MAP2K5: variants seen among roughly 807,000 people sequenced by gnomAD.
MAP2K5 encodes mitogen-activated protein kinase kinase 5.
In MAP2K5, 49 loss-of-function variants were observed where a neutral mutation model predicts 83.1. The ratio of observed to expected loss-of-function variants is 0.59; its 90% confidence interval spans 0.47 to 0.75. MAP2K5 has a LOEUF of 0.75. Among genes scored for constraint, MAP2K5 ranks in the 30% least tolerant of loss-of-function variants. MAP2K5 has a pLI of 0.00. For missense variants in MAP2K5, 457 were observed against 557.5 expected (o/e 0.82, Z 1.82); for synonymous variants, 202 against 191.8 (o/e 1.05, Z -0.44).
chr15:67,675,169 C>T (rs1160671456), intron 13 of MAP2K5, among the ~76,000 whole-genome samples: 2 of 152,212 alleles, frequency 1.3e-5, no homozygotes, highest in East Asian at 3.8e-4. Context: ...CAGCTCTATT[C>T]ATCATAGCCA....
At chr15:67,728,675 T>G (rs757092462) in intron 17 of MAP2K5, among the ~76,000 whole-genome samples, 1 of 152,236 alleles carries the variant, frequency 6.6e-6, no homozygotes, top group Admixed American at 6.5e-5. Context: ...CATCTTGGTC[T>G]GTACAGGCCA....
Position 67,578,261 on chromosome 15 carries a change from A to G in MAP2K5, c.253-2493A>G, listed in dbSNP as rs565230187. ...AGCAGCATGGACCTGGTGGCCGGTCAGGACTGCTCTGTGCTAAGAGGTACC... is the reference window on the plus strand; with the variant it reads ...AGCAGCATGGACCTGGTGGCCGGTCGGGACTGCTCTGTGCTAAGAGGTACC... On this transcript the variant is annotated intron_variant, in intron 3 of 21. Transcript: ENST00000178640. Among the ~76,000 whole-genome samples the G allele has an allele frequency of 1.3e-3, 199 of 152,336 alleles. 2 individuals are homozygous for G. The South Asian group carries it at 0.015, about 11-fold the overall frequency.
At chr15:67,625,449 C>T (rs183851441) in intron 8 of MAP2K5, among the ~76,000 whole-genome samples, 2 of 152,290 alleles carry the variant, frequency 1.3e-5, no homozygotes, top group African/African-American at 4.8e-5. Context: ...ACTGTGGCAA[C>T]AACAAACTAA....
intron 21 of MAP2K5, among the ~76,000 whole-genome samples, chr15:67,772,961 G>T (rs2090169812): frequency 6.6e-6 from 1 of 152,140 alleles, no homozygotes; most frequent in Non-Finnish European, 1.5e-5. Flanking sequence ...GAAAGTTAAT[G>T]CAGAGCTCTT....
chr15:67,729,620 A>T (rs1282510061), intron 17 of MAP2K5, among the ~76,000 whole-genome samples: 1 of 151,964 alleles, frequency 6.6e-6, no homozygotes, highest in South Asian at 2.1e-4. Context: ...AATACAAAAA[A>T]AAAAAATTAG....
Position 67,577,173 on chromosome 15 carries a change from G to A in MAP2K5, c.253-3581G>A, listed in dbSNP as rs1247068793. ...GATGGTCTCGATCTCCTGACCTCAT[G>A]ATCCACCCGCCTCGGCCTCCCAAAG... is the stretch of plus-strand genomic sequence containing the variant. On this transcript the variant is annotated intron_variant, in intron 3 of 21. Transcript: ENST00000178640. This position sits in a 1 kb window ranked among gnomAD's most constrained non-coding sequence, Gnocchi z 4.1. Among the ~76,000 whole-genome samples the A allele has an allele frequency of 1.3e-5, 2 of 151,828 alleles. No homozygotes were observed. Among genetic ancestry groups the A allele is most frequent in the African/African-American group, 4.8e-5 (2 of 41,324 alleles).
intron 8 of MAP2K5, among the ~76,000 whole-genome samples, chr15:67,608,670 G>C (rs1269247680): frequency 6.6e-6 from 1 of 152,166 alleles, no homozygotes; most frequent in African/African-American, 2.4e-5. Context: ...AGAAAGAGAA[G>C]ATTAAAGGGC....
At chr15:67,664,572 A>G in intron 12 of MAP2K5, 25 bp from the exon 13 acceptor site, 3 of 1,367,480 alleles carry the variant, frequency 2.2e-6, no homozygotes, top group Non-Finnish European at 3.1e-6. Context: ...TGATAATTGT[A>G]CTGTTTTCTT....
chr15:67,594,812 C>A (rs2085490340), intron 7 of MAP2K5, among the ~76,000 whole-genome samples: 1 of 151,834 alleles, frequency 6.6e-6, no homozygotes, highest in South Asian at 2.1e-4. Context: ...CAAAAAATTC[C>A]CTCAAAAACC....
At position 67,610,402 on chromosome 15, in the gene MAP2K5, A is replaced by G. The variant is rs925509165; in HGVS notation, c.545+9653A>G. ...ATGGTTGTGCTAGCAGGGGTGGTCT[A>G]TTTCTTGATTTATAAGACACGTTTC... On this transcript the variant is annotated intron_variant, in intron 8 of 21. Transcript: ENST00000178640. 3.3e-5 allele frequency among the ~76,000 whole-genome samples: 5 copies of G among 152,216 alleles called. No individual in the cohort carries two copies. In the South Asian group the frequency reaches 6.2e-4, roughly 19 times the overall value.
At chr15:67,627,895 G>A (rs2141081407) in intron 8 of MAP2K5, 1 of 706,080 alleles carries the variant, frequency 1.4e-6, no homozygotes, top group South Asian at 1.5e-5. Context: ...AGCTGAGGAA[G>A]CTCTTCATTG....
rs374140981 is a variant in MAP2K5 at position 67,559,747 on chromosome 15, G to C, written c.185-3536G>C. 6.6e-6 allele frequency among the ~76,000 whole-genome samples: 1 copy of C among 152,154 alleles called. No individual in the cohort carries two copies. Among genetic ancestry groups the C allele is most frequent in the African/African-American group, 2.4e-5 (1 of 41,434 alleles). ...CATATTACTATGCTCCAGGCAACTA[G>C]AGAAGCCTGGAATTCTCATTGTGAA... On this transcript the variant is annotated intron_variant, in intron 2 of 21. Coordinates refer to ENST00000178640, the MANE Select transcript of MAP2K5 (RefSeq NM_145160.3). The surrounding 1 kb of genome is among the most constrained non-coding windows in gnomAD (Gnocchi z 4.7).
chr15:67,575,998 C>T (rs1390270856), intron 3 of MAP2K5, among the ~76,000 whole-genome samples: 2 of 144,332 alleles, frequency 1.4e-5, no homozygotes, highest in Non-Finnish European at 3.0e-5. Context: ...CGGCTCACTG[C>T]AACCTCTGCC....
At chr15:67,622,529 GA>G (rs773066419) in intron 8 of MAP2K5, among the ~76,000 whole-genome samples, 2 of 151,458 alleles carry the variant, frequency 1.3e-5, no homozygotes. Context: ...AATGCATGTG[GA>G]TTTTTTTTTT....
At chr15:67,626,862 C>G (rs1483880110) in intron 8 of MAP2K5, among the ~76,000 whole-genome samples, 1 of 152,100 alleles carries the variant, frequency 6.6e-6, no homozygotes, top group Non-Finnish European at 1.5e-5. Context: ...AAGATCACAG[C>G]AGTGCACTCC....
rs908573720 is a variant in MAP2K5 at position 67,738,863 on chromosome 15, G to A, written c.1075-9368G>A. On this transcript the variant is annotated intron_variant, in intron 17 of 21. Coordinates refer to ENST00000178640, the MANE Select transcript of MAP2K5 (RefSeq NM_145160.3). This position sits in a 1 kb window ranked among gnomAD's most constrained non-coding sequence, Gnocchi z 4.1. Reference sequence around the variant, plus strand: ...CTTAGATGAGCAGCTTCCTCCTCCTGTCCACACCTTCAGCCCTCTTGCTCA... The same window carrying A: ...CTTAGATGAGCAGCTTCCTCCTCCTATCCACACCTTCAGCCCTCTTGCTCA... 1.3e-5 allele frequency among the ~76,000 whole-genome samples: 2 copies of A among 152,138 alleles called. No homozygotes were observed. Among genetic ancestry groups the A allele is most frequent in the African/African-American group, 4.8e-5 (2 of 41,416 alleles).
chr15:67,558,772 T>C (rs1435892029), intron 2 of MAP2K5, among the ~76,000 whole-genome samples: 1 of 152,202 alleles, frequency 6.6e-6, no homozygotes, highest in Admixed American at 6.5e-5. Flanking sequence ...CCTGGAACAG[T>C]CTTTCCCCAG....
rs144745186 is a variant in MAP2K5 at position 67,548,487 on chromosome 15, C to T, written c.136-1547C>T. 7.7e-3 allele frequency among the ~76,000 whole-genome samples: 1,177 copies of T among 152,296 alleles called. 38 individuals are homozygous for T. Among genetic ancestry groups the T allele is most frequent in the Admixed American group, 0.06 (911 of 15,304 alleles). ...TATTTGACACTAATATGGCACTTGC[C>T]ATGTGCTAGACACTCTTCTGAGTAC... On this transcript the variant is annotated intron_variant, in intron 1 of 21. Coordinates refer to ENST00000178640, the MANE Select transcript of MAP2K5 (RefSeq NM_145160.3).
rs184928640 is a variant in MAP2K5 at position 67,676,761 on chromosome 15, G to T, written c.847+12116G>T. Among the ~76,000 whole-genome samples the T allele has an allele frequency of 2.6e-5, 4 of 152,252 alleles. No individual in the cohort carries two copies. The highest frequency in any genetic ancestry group is 9.6e-5 in the African/African-American group (4 of 41,552). On this transcript the variant is annotated intron_variant, in intron 13 of 21. Coordinates refer to ENST00000178640, the MANE Select transcript of MAP2K5 (RefSeq NM_145160.3). The surrounding 1 kb of genome is among the most constrained non-coding windows in gnomAD (Gnocchi z 4.8). ...TCCATTCTTAGGTGAAGCAATCAAG[G>T]CTCAAGCAGCCTAAAAAACTTGCTT...
Sources: allele counts gnomAD v4.1 joint callset (sites outside exome capture counted in the v4.1 genomes callset), GRCh38; gene constraint gnomAD v4.1.1; non-coding constraint Gnocchi (gnomAD v3.1); transcripts MANE v1.5; gene names NCBI Gene and HGNC (gene_info 2026-07-23, HGNC 2026-07-21).